DTL: variants seen among roughly 807,000 people sequenced by gnomAD.
DTL encodes the protein denticleless E3 ubiquitin protein ligase adapter, also known as denticleless protein homolog.
In DTL, 46 loss-of-function variants were observed where a neutral mutation model predicts 87.0. The ratio of observed to expected loss-of-function variants is 0.53; its 90% CI spans 0.42 to 0.68. The LOEUF is 0.68. Among genes scored for constraint, DTL ranks in the 30% least tolerant of loss-of-function variants. The pLI, the probability that DTL is intolerant of heterozygous loss-of-function variation, is 0.00. For missense variants in DTL, 737 were observed against 869.4 expected (o/e 0.85, Z 1.91); for synonymous variants, 308 against 311.2 (o/e 0.99, Z 0.11).
At chr1:212,057,580 GCAAA>G (rs1459949042) in intron 5 of DTL, among the ~76,000 whole-genome samples, 1 of 151,982 alleles carries the variant, frequency 6.6e-6, no homozygotes, top group East Asian at 1.9e-4. Flanking sequence ...CTACTGGTAA[GCAAA>G]CACACAAACA....
intron 1 of DTL, among the ~76,000 whole-genome samples, chr1:212,040,539 C>T (rs188623256): frequency 2.9e-4 from 44 of 152,336 alleles, no homozygotes; most frequent in African/African-American, 8.2e-4. Flanking sequence ...CGGAATATCT[C>T]ATGGTGCTAT....
intron 13 of DTL, among the ~76,000 whole-genome samples, chr1:212,086,459 A>G (rs116296467): frequency 0.056 from 8,516 of 152,258 alleles, 272 homozygotes; most frequent in Non-Finnish European, 0.073. Context: ...ACAGAACCAT[A>G]GTTGTACTGA....
At chr1:212,086,706 A>G (rs952552325) in intron 13 of DTL, among the ~76,000 whole-genome samples, 1 of 152,238 alleles carries the variant, frequency 6.6e-6, no homozygotes, top group Non-Finnish European at 1.5e-5. Flanking sequence ...TTTCTATGTT[A>G]TCTTTTTTGC....
At chr1:212,064,407 A>G (rs919723961) in intron 6 of DTL, among the ~76,000 whole-genome samples, 6 of 152,184 alleles carry the variant, frequency 3.9e-5, no homozygotes, top group African/African-American at 1.4e-4. Flanking sequence ...TCAGTGTTAT[A>G]TATTCTTAGT....
chr1:212,064,311 A>ACTTCCC (rs1654427113), intron 6 of DTL, among the ~76,000 whole-genome samples: 1 of 152,144 alleles, frequency 6.6e-6, no homozygotes, highest in Non-Finnish European at 1.5e-5. Context: ...TTCCCCACTG[A>ACTTCCC]CAACATCCTG....
intron 1 of DTL, among the ~76,000 whole-genome samples, chr1:212,041,581 C>T (rs972593919): frequency 3.3e-5 from 5 of 151,980 alleles, no homozygotes; most frequent in African/African-American, 1.2e-4. Context: ...TCTCAGCTCG[C>T]GGCACGCTCC....
At chr1:212,056,175 G>A (rs1244960656) in intron 5 of DTL, among the ~76,000 whole-genome samples, 1 of 152,190 alleles carries the variant, frequency 6.6e-6, no homozygotes, top group Non-Finnish European at 1.5e-5. Flanking sequence ...ACCTGAGTAA[G>A]TCATCTGAAG....
chr1:212,075,747 T>C (rs1030170285), intron 11 of DTL, among the ~76,000 whole-genome samples: 1 of 152,198 alleles, frequency 6.6e-6, no homozygotes, highest in African/African-American at 2.4e-5. Flanking sequence ...TTCACCATTT[T>C]AGTCATTTTA....
intron 5 of DTL, among the ~76,000 whole-genome samples, chr1:212,061,919 G>A (rs1654336417): frequency 6.6e-6 from 1 of 152,098 alleles, no homozygotes; most frequent in Admixed American, 6.6e-5. Flanking sequence ...TTAGATAGAA[G>A]GTGTAAGTTC....
intron 8 of DTL, among the ~76,000 whole-genome samples, 168 bp from the exon 9 acceptor site, chr1:212,068,056 G>C (rs1654560551): frequency 6.6e-6 from 1 of 152,140 alleles, no homozygotes; most frequent in South Asian, 2.1e-4. Context: ...CCTGATATTG[G>C]AGACAACAGT....
chr1:212,069,733 G>A (rs577697691), intron 10 of DTL, among the ~76,000 whole-genome samples: 26 of 151,876 alleles, frequency 1.7e-4, no homozygotes, highest in African/African-American at 6.0e-4. Context: ...TTTAGTAAAG[G>A]CAGGGTTTCA....
At position 212,051,862 on chromosome 1, in the gene DTL, G is replaced by A. The variant is rs576715331; in HGVS notation, c.460+4445G>A. 7.9e-4 allele frequency: 652 copies of A among 827,046 alleles called. 12 individuals are homozygous for A. The highest frequency in any genetic ancestry group is 1.2e-3 in the Non-Finnish European group (600 of 490,194). The allele number at this position is 827,046 out of a possible 1,614,324, so 51.2% of individuals were successfully genotyped here. A position where few individuals can be genotyped will look rare whatever the true frequency, so the allele number is the denominator to read the frequency against. On this transcript the variant is annotated intron_variant, in intron 5 of 14. Transcript: ENST00000366991. ...TAACACTTGTGGGGCATTCCTTTTT[G>A]AACAGTACCCGTTCCCTTGATGTCT...
At chr1:212,068,564 A>T in intron 9 of DTL, 35 bp from the exon 10 acceptor site, 1 of 1,339,162 alleles carries the variant, frequency 7.5e-7, no homozygotes, top group South Asian at 1.2e-5. Context: ...ACTCACCATC[A>T]TCAGGACGTG....
intron 13 of DTL, among the ~76,000 whole-genome samples, chr1:212,093,367 T>G (rs1430181559): frequency 6.6e-6 from 1 of 152,252 alleles, no homozygotes; most frequent in Non-Finnish European, 1.5e-5. Context: ...ATTAGACCCC[T>G]GCCTTATCGC....
intron 13 of DTL, among the ~76,000 whole-genome samples, chr1:212,094,161 C>T (rs1655373655): frequency 6.6e-6 from 1 of 152,142 alleles, no homozygotes; most frequent in African/African-American, 2.4e-5. Flanking sequence ...GGTTCTTTGT[C>T]ATGAACTCTT....
chr1:212,049,067 C>T (rs1303114103), intron 5 of DTL, among the ~76,000 whole-genome samples: 1 of 152,092 alleles, frequency 6.6e-6, no homozygotes, highest in East Asian at 1.9e-4. Flanking sequence ...GGATTACAGG[C>T]GTGTACCACC....
Position 212,044,244 on chromosome 1 carries a change from C to T in DTL, c.179-416C>T, listed in dbSNP as rs191983535. On this transcript the variant is annotated intron_variant, in intron 2 of 14. Transcript: ENST00000366991. ...GTACCACTCTTGTTTTAAGTACTACCCTCGATTTAGCCCTTCTCTAAATAA... is the reference window on the plus strand; with the variant it reads ...GTACCACTCTTGTTTTAAGTACTACTCTCGATTTAGCCCTTCTCTAAATAA... 1.8e-3 allele frequency among the ~76,000 whole-genome samples: 281 copies of T among 152,268 alleles called. 1 individual carries two copies. The highest frequency in any genetic ancestry group is 3.2e-3 in the Non-Finnish European group (220 of 68,020).
chr1:212,061,508 A>AC (rs552200292), intron 5 of DTL, among the ~76,000 whole-genome samples: 3 of 151,894 alleles, frequency 2.0e-5, no homozygotes, highest in African/African-American at 7.2e-5. Context: ...CAAAAAAAAA[A>AC]AAACAAATAG....
intron 11 of DTL, 48 bp from the exon 12 acceptor site, chr1:212,078,125 G>A (rs903769052): frequency 1.7e-6 from 2 of 1,191,878 alleles, no homozygotes; most frequent in Admixed American, 1.7e-5. Flanking sequence ...CCTCTATCTG[G>A]GAAATCTAAT....
Sources: allele counts gnomAD v4.1 joint callset (sites outside exome capture counted in the v4.1 genomes callset), GRCh38; gene constraint gnomAD v4.1.1; transcripts MANE v1.5; gene names NCBI Gene and HGNC (gene_info 2026-07-23, HGNC 2026-07-21).